The following RGS6 variants were observed in gnomAD, a reference collection of about 807,000 sequenced individuals.
RGS6 encodes the protein regulator of G-protein signaling 6.
In RGS6, 30 loss-of-function variants were observed where a neutral mutation model predicts 78.5. That is an observed-to-expected ratio of 0.38 (90% CI 0.29 to 0.52). The LOEUF is 0.52. Among genes scored for constraint, RGS6 ranks in the 20% least tolerant of loss-of-function variants. RGS6 has a pLI of 0.85. For synonymous variants in RGS6, 206 were observed against 206.0 expected, an observed-to-expected ratio of 1.00 and a Z score of 0.00; for missense variants, 495 against 609.7, an observed-to-expected ratio of 0.81 and a Z score of 1.98.
the RGS6 span, among the ~76,000 whole-genome samples, chr14:72,591,025 G>A: frequency 2.0e-5 from 3 of 152,136 alleles, no homozygotes; most frequent in Admixed American, 6.5e-5. Flanking sequence ...TGTGCATGGT[G>A]TATGGGTACC....
At chr14:71,980,926 C>T (rs8011548) in intron 2 of RGS6, among the ~76,000 whole-genome samples, 23,341 of 80,204 alleles carry the variant, frequency 0.29, 3,181 homozygotes, top group East Asian at 0.41. Flanking sequence ...GGTCTTTTCA[C>T]ATAGTCCCAT....
chr14:72,366,880 G>A (rs1266487200), intron 3 of RGS6, among the ~76,000 whole-genome samples: 1 of 152,202 alleles, frequency 6.6e-6, no homozygotes, highest in African/African-American at 2.4e-5. Context: ...AGCTGTCATA[G>A]ACAGTCATTC....
chr14:72,621,974 G>A, the RGS6 span, among the ~76,000 whole-genome samples: 1 of 152,206 alleles, frequency 6.6e-6, no homozygotes, highest in Non-Finnish European at 1.5e-5. Flanking sequence ...GTTGAAGAGA[G>A]CAGGAGAGAA....
intron 12 of RGS6, among the ~76,000 whole-genome samples, chr14:72,492,488 G>A (rs192508359): frequency 1.8e-4 from 27 of 152,316 alleles, no homozygotes; most frequent in Admixed American, 1.3e-3. Flanking sequence ...TTGCTTTGCA[G>A]GAGAGGCATT....
chr14:72,202,140 G>T lies in RGS6; in HGVS notation c.85-149955G>T, dbSNP rs138437727. 2.0e-5 allele frequency among the ~76,000 whole-genome samples: 3 copies of T among 152,228 alleles called. No homozygotes were observed. In the East Asian group the frequency reaches 5.8e-4, roughly 29 times the overall value. ...TAGCTAAGAAATATTTGACCCTCACGTACTTAAAATATCTCTTGTTTTGGT... is the reference window on the plus strand; with the variant it reads ...TAGCTAAGAAATATTTGACCCTCACTTACTTAAAATATCTCTTGTTTTGGT... On this transcript the variant is annotated intron_variant, in intron 2 of 17. Transcript: ENST00000553525.
chr14:72,301,003 T>C (rs2065937659), intron 2 of RGS6, among the ~76,000 whole-genome samples: 1 of 152,140 alleles, frequency 6.6e-6, no homozygotes, highest in African/African-American at 2.4e-5. Flanking sequence ...AGGGGGAAAA[T>C]ATGATTTATT....
rs2096621589 is a variant in RGS6, at chr14:72,494,714, T to A, written c.855-438T>A. Among the ~76,000 whole-genome samples, 3 of 152,212 alleles carry A rather than the reference T, an allele frequency of 2.0e-5. No individual in the cohort carries two copies. In the South Asian group the frequency reaches 6.2e-4, roughly 32 times the overall value. The stretch of plus-strand genomic sequence containing the variant: ...TGCTGATATTTAAAAGTCTTTATCA[T>A]AAGAAAGTCCTTCCGTTGGGAATGC... On this transcript the variant is annotated intron_variant, in intron 12 of 17. Transcript: ENST00000553525.
At chr14:72,553,835 A>G (rs2097537300) in intron 17 of RGS6, among the ~76,000 whole-genome samples, 2 of 152,174 alleles carry the variant, frequency 1.3e-5, no homozygotes, top group Non-Finnish European at 2.9e-5. Flanking sequence ...AAACGTAGCA[A>G]TCTCACATTT....
At chr14:72,491,189 A>G (rs2096573210) in intron 12 of RGS6, among the ~76,000 whole-genome samples, 3 of 152,224 alleles carry the variant, frequency 2.0e-5, no homozygotes, top group Admixed American at 2.0e-4. Flanking sequence ...TTAAGGAAAA[A>G]TTTTATTGTG....
chr14:72,294,706 G>A (rs545170579), intron 2 of RGS6, among the ~76,000 whole-genome samples: 1 of 152,170 alleles, frequency 6.6e-6, no homozygotes, highest in African/African-American at 2.4e-5. Context: ...AGGGCAGGAG[G>A]GAGGGAGAGA....
intron 2 of RGS6, among the ~76,000 whole-genome samples, chr14:72,348,895 G>A (rs559790123): frequency 5.3e-5 from 8 of 152,322 alleles, no homozygotes; most frequent in Non-Finnish European, 8.8e-5. Context: ...GGCCGGGCGT[G>A]GTGGCTCACG....
At chr14:72,398,286 G>A (rs963292262) in intron 3 of RGS6, among the ~76,000 whole-genome samples, 1 of 152,196 alleles carries the variant, frequency 6.6e-6, no homozygotes. Context: ...TTGGGAGAGT[G>A]TATGTGTTGA....
intron 2 of RGS6, among the ~76,000 whole-genome samples, chr14:72,332,393 A>G (rs1285129331): frequency 2.6e-5 from 4 of 152,228 alleles, no homozygotes; most frequent in Non-Finnish European, 5.9e-5. Flanking sequence ...CCCAGTTCCC[A>G]TCTGAATTTG....
chr14:72,064,933 TATA>T (rs915673696), intron 2 of RGS6, among the ~76,000 whole-genome samples: 2 of 152,234 alleles, frequency 1.3e-5, no homozygotes, highest in African/African-American at 4.8e-5. Context: ...CCCATGTAAA[TATA>T]ATGTCACAAA....
intron 1 of RGS6, among the ~76,000 whole-genome samples, chr14:71,938,500 C>T (rs138432538): frequency 0.022 from 3,328 of 152,242 alleles, 102 homozygotes; most frequent in African/African-American, 0.074. Flanking sequence ...GCAGAACCAT[C>T]TGTGAACAGG....
chr14:72,388,594 A>G (rs2089006542), intron 3 of RGS6, among the ~76,000 whole-genome samples: 2 of 152,176 alleles, frequency 1.3e-5, no homozygotes, highest in Admixed American at 6.5e-5. Context: ...GGACCTGGCC[A>G]GAGTACATGG....
At chr14:72,270,185 C>G (rs2059727530) in intron 2 of RGS6, among the ~76,000 whole-genome samples, 1 of 152,166 alleles carries the variant, frequency 6.6e-6, no homozygotes, top group Non-Finnish European at 1.5e-5. Context: ...ACGTGCTCCT[C>G]TTTGCGTTCA....
intron 2 of RGS6, among the ~76,000 whole-genome samples, chr14:72,321,644 AG>A (rs2152517114): frequency 6.6e-6 from 1 of 152,186 alleles, no homozygotes; most frequent in Admixed American, 6.5e-5. Context: ...ATCATTCACA[AG>A]GAAGATCTAA....
At chr14:72,055,401 G>T (rs2093568768) in intron 2 of RGS6, among the ~76,000 whole-genome samples, 1 of 152,116 alleles carries the variant, frequency 6.6e-6, no homozygotes, top group Non-Finnish European at 1.5e-5. Context: ...GTAGGAAATA[G>T]AATGTGGTTG....
Sources: gnomAD v4.1 joint callset for allele counts (sites outside exome capture counted in the v4.1 genomes callset) on GRCh38, gnomAD v4.1.1 for gene constraint, MANE v1.5 for transcripts, NCBI Gene and HGNC (gene_info 2026-07-23, HGNC 2026-07-21) for gene names.